PDE4D: variants seen among roughly 807,000 people sequenced by gnomAD.
PDE4D encodes the protein 3',5'-cyclic-AMP phosphodiesterase 4D.
PDE4D carries 24 observed loss-of-function variants against 87.4 expected under a neutral mutation model. The ratio of observed to expected loss-of-function variants is 0.27; its 90% confidence interval spans 0.20 to 0.39. The LOEUF (loss-of-function observed/expected upper bound fraction) is 0.39, where lower values mean the gene tolerates loss of function less well. Ranked by LOEUF, PDE4D falls within the 10% of genes least tolerant of loss-of-function variation. The pLI is 1.00. For missense variants in PDE4D, 714 were observed against 1,041.0 expected (o/e 0.69, Z 4.32); for synonymous variants, 384 against 383.2 (o/e 1.00, Z -0.02).
At chr5:60,274,630 G>A (rs565112844) in intron 1 of PDE4D, among the ~76,000 whole-genome samples, 3 of 152,254 alleles carry the variant, frequency 2.0e-5, no homozygotes, top group South Asian at 4.1e-4. Flanking sequence ...CAAAGTGCTG[G>A]GATCACAGGC....
At chr5:59,095,774 T>G (rs1186643378) in intron 5 of PDE4D, among the ~76,000 whole-genome samples, 1 of 152,194 alleles carries the variant, frequency 6.6e-6, no homozygotes. Context: ...TGGCTAAGAC[T>G]GGATAATATC....
At chr5:60,285,958 AC>A (rs1752380523) in intron 1 of PDE4D, among the ~76,000 whole-genome samples, 1 of 152,228 alleles carries the variant, frequency 6.6e-6, no homozygotes, top group African/African-American at 2.4e-5. Context: ...TTCAGAGTGC[AC>A]AAGGAAAGGG....
chr5:59,922,143 G>C (rs1197842102), intron 3 of PDE4D, among the ~76,000 whole-genome samples: 1 of 152,156 alleles, frequency 6.6e-6, no homozygotes, highest in East Asian at 1.9e-4. Context: ...CGCCAGTGGA[G>C]GGAGAATATA....
chr5:59,276,526 C>A (rs964676749), intron 1 of PDE4D, among the ~76,000 whole-genome samples: 1 of 152,032 alleles, frequency 6.6e-6, no homozygotes, highest in Non-Finnish European at 1.5e-5. Context: ...AAATGTCATG[C>A]TTTGGAGTTG....
intron 1 of PDE4D, among the ~76,000 whole-genome samples, chr5:59,596,200 T>C (rs1002174952): frequency 4.6e-5 from 7 of 151,282 alleles, no homozygotes; most frequent in Non-Finnish European, 8.8e-5. Flanking sequence ...AATATGACTA[T>C]GTTATTTACA....
intron 2 of PDE4D, among the ~76,000 whole-genome samples, chr5:60,004,702 C>T (rs1024935734): frequency 6.6e-6 from 1 of 151,998 alleles, no homozygotes; most frequent in Non-Finnish European, 1.5e-5. Context: ...TACAAATGGC[C>T]AAAAGGTATA....
chr5:59,073,504 G>GGGT (rs1473708074), intron 5 of PDE4D, among the ~76,000 whole-genome samples: 2 of 133,844 alleles, frequency 1.5e-5, no homozygotes, highest in South Asian at 2.4e-4. Context: ...ATAAAGTGGG[G>GGGT]GGCGGGGGGG....
At chr5:59,195,129 A>C (rs1478913149) in intron 2 of PDE4D, among the ~76,000 whole-genome samples, 2 of 152,194 alleles carry the variant, frequency 1.3e-5, no homozygotes, top group Non-Finnish European at 1.5e-5. Flanking sequence ...TGAACTACCC[A>C]GCCTCTAGAA....
At chr5:59,236,737 G>A (rs1413490787) in intron 1 of PDE4D, among the ~76,000 whole-genome samples, 1 of 151,832 alleles carries the variant, frequency 6.6e-6, no homozygotes, top group African/African-American at 2.4e-5. Context: ...CACTTTCTAC[G>A]CTGCTGTTGG....
intron 1 of PDE4D, among the ~76,000 whole-genome samples, chr5:59,843,200 C>T (rs1007435096): frequency 9.9e-5 from 15 of 151,702 alleles, no homozygotes; most frequent in African/African-American, 3.6e-4. Flanking sequence ...CATGATAAGC[C>T]CTATCAAAGG....
At chr5:59,193,979 G>A (rs1033741630) in intron 2 of PDE4D, among the ~76,000 whole-genome samples, 2 of 152,170 alleles carry the variant, frequency 1.3e-5, no homozygotes, top group African/African-American at 4.8e-5. Flanking sequence ...ACATCATCCC[G>A]TGTAAGTCTT....
chr5:59,941,701 C>G (rs977123933), intron 3 of PDE4D, among the ~76,000 whole-genome samples: 10 of 152,234 alleles, frequency 6.6e-5, no homozygotes, highest in Non-Finnish European at 1.0e-4. Flanking sequence ...TCCTGCATGA[C>G]TGCATGAAAC....
chr5:60,265,242 G>T (rs1265014769), intron 1 of PDE4D, among the ~76,000 whole-genome samples: 2 of 152,178 alleles, frequency 1.3e-5, no homozygotes, highest in Admixed American at 1.3e-4. Flanking sequence ...AGGCCACACA[G>T]GGGCCACACT....
At chr5:60,185,424 T>A (rs2149510198) in intron 2 of PDE4D, 1 of 567,520 alleles carries the variant, frequency 1.8e-6, no homozygotes. Flanking sequence ...CTGTGTACAG[T>A]CAGAGAACTG....
At chr5:59,603,425 C>T (rs938901317) in intron 1 of PDE4D, among the ~76,000 whole-genome samples, 1 of 151,908 alleles carries the variant, frequency 6.6e-6, no homozygotes, top group African/African-American at 2.4e-5. Flanking sequence ...CAGAAAAATG[C>T]ATACTAATAC....
Position 60,349,073 on chromosome 5 carries a change from A to G in PDE4D, c.-90+138869T>C, listed in dbSNP as rs190578632. 2.2e-4 allele frequency among the ~76,000 whole-genome samples: 34 copies of G among 152,310 alleles called. No individual in the cohort carries two copies. The East Asian group carries it at 5.4e-3, about 24-fold the overall frequency. ...GAATCAAATAGGTAAAATGTGATAT[A>G]CAGTGGAGCATAGCACAATAGGAAA... On this transcript the variant is annotated intron_variant, in intron 1 of 16. Transcript: ENST00000502484.
At chr5:59,791,465 G>C (rs1765780827) in intron 1 of PDE4D, among the ~76,000 whole-genome samples, 1 of 152,178 alleles carries the variant, frequency 6.6e-6, no homozygotes, top group Non-Finnish European at 1.5e-5. Flanking sequence ...TTAGAATGAA[G>C]ACATTGTGCT....
intron 1 of PDE4D, among the ~76,000 whole-genome samples, chr5:59,885,211 A>C (rs1234355154): frequency 6.6e-6 from 1 of 152,114 alleles, no homozygotes; most frequent in Non-Finnish European, 1.5e-5. Flanking sequence ...AATTATTATC[A>C]TGCTGTTTGA....
chr5:59,786,018 A>T (rs1433060334), intron 1 of PDE4D, among the ~76,000 whole-genome samples: 1 of 152,048 alleles, frequency 6.6e-6, no homozygotes, highest in Non-Finnish European at 1.5e-5. Flanking sequence ...GGGAACTGGC[A>T]GTGTTTCTTC....
Sources: allele counts gnomAD v4.1 joint callset (sites outside exome capture counted in the v4.1 genomes callset), GRCh38; gene constraint gnomAD v4.1.1; transcripts MANE v1.5; gene names NCBI Gene and HGNC (gene_info 2026-07-23, HGNC 2026-07-21).